RAB1A: variants seen among roughly 807,000 people sequenced by gnomAD.
RAB1A encodes RAB1A, member RAS oncogene family, also known as ras-related protein Rab-1A.
In RAB1A, 2 loss-of-function variants were observed where a neutral mutation model predicts 26.0. The ratio of observed to expected loss-of-function variants is 0.08; its 90% confidence interval spans 0.03 to 0.24. The LOEUF (loss-of-function observed/expected upper bound fraction) is 0.24. RAB1A is among the 10% of genes least tolerant of loss of function. The pLI, the probability that RAB1A is intolerant of heterozygous loss-of-function variation, is 1.00. For missense variants in RAB1A, 100 were observed against 247.0 expected (o/e 0.40, Z 3.99); for synonymous variants, 84 against 84.9 (o/e 0.99, Z 0.06).
At chr2:65,105,021 C>T (rs1203134559) in intron 1 of RAB1A, 2 of 644,770 alleles carry the variant, frequency 3.1e-6, no homozygotes, top group East Asian at 2.8e-5. Context: ...GGCAATGCCA[C>T]CTATGATCTC....
intron 1 of RAB1A, among the ~76,000 whole-genome samples, chr2:65,114,345 GAAATAC>G (rs1443897724): frequency 1.3e-5 from 2 of 151,892 alleles, no homozygotes; most frequent in Non-Finnish European, 2.9e-5. Context: ...TGTACAAACA[GAAATAC>G]AAATACAAAT....
At chr2:65,115,067 T>A (rs1669794494) in intron 1 of RAB1A, among the ~76,000 whole-genome samples, 1 of 152,140 alleles carries the variant, frequency 6.6e-6, no homozygotes, top group Non-Finnish European at 1.5e-5. Context: ...CACCATATGA[T>A]AACACAGCAC....
chr2:65,103,525 T>C (rs1472795443), intron 2 of RAB1A, among the ~76,000 whole-genome samples: 4 of 152,198 alleles, frequency 2.6e-5, no homozygotes, highest in Admixed American at 6.5e-5. Flanking sequence ...TGCCTTGATG[T>C]GTACCAAGCC....
At chr2:65,114,794 G>A (rs893171504) in intron 1 of RAB1A, among the ~76,000 whole-genome samples, 6 of 151,586 alleles carry the variant, frequency 4.0e-5, no homozygotes, top group Admixed American at 6.6e-5. Context: ...GCAGTGAGCC[G>A]AGATTGCGCC....
At chr2:65,122,252 C>T (rs1669982533) in intron 1 of RAB1A, among the ~76,000 whole-genome samples, 1 of 149,472 alleles carries the variant, frequency 6.7e-6, no homozygotes, top group Non-Finnish European at 1.5e-5. Flanking sequence ...AGTTTTTCTT[C>T]ATCTTAAGAC....
At chr2:65,094,102 T>C (rs951357940) in intron 3 of RAB1A, among the ~76,000 whole-genome samples, 2 of 152,172 alleles carry the variant, frequency 1.3e-5, no homozygotes, top group South Asian at 2.1e-4. Context: ...CCTGAGTACC[T>C]TGAACTACAG....
At chr2:65,109,614 G>A (rs570866557) in intron 1 of RAB1A, among the ~76,000 whole-genome samples, 43 of 151,854 alleles carry the variant, frequency 2.8e-4, no homozygotes, top group Non-Finnish European at 5.3e-4. Context: ...GGTGGCTAAG[G>A]CAGGAGAATC....
At chr2:65,113,295 G>A (rs998398390) in intron 1 of RAB1A, among the ~76,000 whole-genome samples, 21 of 152,062 alleles carry the variant, frequency 1.4e-4, no homozygotes, top group African/African-American at 4.3e-4. Flanking sequence ...CTTGATGTCC[G>A]CTGATGTATG....
intron 1 of RAB1A, 67 bp from the exon 2 acceptor site, chr2:65,104,873 C>G (rs1180567721): frequency 8.0e-7 from 1 of 1,251,696 alleles, no homozygotes; most frequent in East Asian, 2.3e-5. Context: ...TATACAAAAA[C>G]AAAAACACAG....
intron 4 of RAB1A, among the ~76,000 whole-genome samples, chr2:65,090,295 T>C (rs1669141501): frequency 6.6e-6 from 1 of 152,194 alleles, no homozygotes; most frequent in South Asian, 2.1e-4. Context: ...GATTTAACAT[T>C]TGCCAAAAGA....
intron 1 of RAB1A, chr2:65,105,053 T>C: frequency 1.7e-6 from 1 of 579,880 alleles, no homozygotes. Flanking sequence ...AACTTCCACT[T>C]AAAAAGAAAG....
At chr2:65,126,073 T>C (rs1209472726) in intron 1 of RAB1A, among the ~76,000 whole-genome samples, 3 of 151,962 alleles carry the variant, frequency 2.0e-5, no homozygotes. Flanking sequence ...TTTTGCCATA[T>C]TGGCCAGGCT....
intron 2 of RAB1A, among the ~76,000 whole-genome samples, chr2:65,099,840 G>C (rs1669376005): frequency 6.6e-6 from 1 of 152,140 alleles, no homozygotes; most frequent in Non-Finnish European, 1.5e-5. Flanking sequence ...TCTAAGGATA[G>C]TGCAGTTCTA....
chr2:65,100,436 T>A, intron 2 of RAB1A, among the ~76,000 whole-genome samples: 1 of 143,388 alleles, frequency 7.0e-6, no homozygotes, highest in Non-Finnish European at 1.5e-5. Flanking sequence ...TATGTTGTAA[T>A]TGAGTGCCTA....
intron 1 of RAB1A, among the ~76,000 whole-genome samples, chr2:65,107,348 A>C (rs1397201853): frequency 6.6e-6 from 1 of 152,116 alleles, no homozygotes; most frequent in Non-Finnish European, 1.5e-5. Flanking sequence ...TACAGGCATG[A>C]GCCACCGTGC....
chr2:65,108,200 A>G (rs1049854168), intron 1 of RAB1A, among the ~76,000 whole-genome samples: 3 of 151,852 alleles, frequency 2.0e-5, no homozygotes, highest in Admixed American at 1.3e-4. Context: ...CGCCTCTACT[A>G]AAAATACAAA....
chr2:65,127,657 C>T (rs1192371101), intron 1 of RAB1A, among the ~76,000 whole-genome samples: 2 of 152,180 alleles, frequency 1.3e-5, no homozygotes, highest in Non-Finnish European at 1.5e-5. Flanking sequence ...ACCCAGGAGG[C>T]GGAGGTGGCG....
intron 1 of RAB1A, among the ~76,000 whole-genome samples, chr2:65,113,509 T>C (rs1398417548): frequency 2.0e-5 from 3 of 152,056 alleles, no homozygotes; most frequent in Non-Finnish European, 4.4e-5. Flanking sequence ...GAGACCCCCA[T>C]CTCTAAATAA....
chr2:65,108,307 C>T (rs1196957398), intron 1 of RAB1A, among the ~76,000 whole-genome samples: 2 of 144,286 alleles, frequency 1.4e-5, no homozygotes, highest in East Asian at 4.1e-4. Context: ...GGTTGCAGTG[C>T]GCTGACATCA....
Sources: gnomAD v4.1 joint callset for allele counts (sites outside exome capture counted in the v4.1 genomes callset) on GRCh38, gnomAD v4.1.1 for gene constraint, MANE v1.5 for transcripts, NCBI Gene and HGNC (gene_info 2026-07-23, HGNC 2026-07-21) for gene names.